ZNF251: variants seen among roughly 807,000 people sequenced by gnomAD.
The protein encoded by ZNF251 is zinc finger protein 251.
ZNF251 carries 14 observed loss-of-function variants against 13.5 expected under a neutral mutation model. The ratio of observed to expected loss-of-function variants is 1.04; its 90% CI spans 0.69 to 1.63. ZNF251 has a LOEUF of 1.63. ZNF251 is among the 40% of genes most tolerant of loss of function. The pLI, the probability that ZNF251 is intolerant of heterozygous loss-of-function variation, is 0.00. For missense variants in ZNF251, 764 were observed against 834.9 expected, an observed-to-expected ratio of 0.92 and a Z score of 1.05; for synonymous variants, 287 against 295.2, an observed-to-expected ratio of 0.97 and a Z score of 0.28.
At chr8:144,732,811 CAA>C (rs34248117) in intron 4 of ZNF251, among the ~76,000 whole-genome samples, 8,468 of 106,712 alleles carry the variant, frequency 0.079, 254 homozygotes, top group Non-Finnish European at 0.11. Context: ...GACTCCGTCT[CAA>C]AAAAAAAAAA....
At chr8:144,732,639 C>T (rs141110139) in intron 4 of ZNF251, among the ~76,000 whole-genome samples, 1,882 of 151,486 alleles carry the variant, frequency 0.012, 28 homozygotes, top group African/African-American at 0.04. Flanking sequence ...GGTGAAACCC[C>T]GTCTCTACTA....
At chr8:144,750,945 G>A (rs988202298) in intron 4 of ZNF251, among the ~76,000 whole-genome samples, 3 of 150,584 alleles carry the variant, frequency 2.0e-5, no homozygotes, top group Admixed American at 1.3e-4. Flanking sequence ...TACCTCCTGA[G>A]TTTCAGCGAT....
chr8:144,736,268 C>T (rs958275228), intron 4 of ZNF251, among the ~76,000 whole-genome samples: 3 of 152,102 alleles, frequency 2.0e-5, no homozygotes, highest in African/African-American at 7.2e-5. Flanking sequence ...ACTTGGTGGT[C>T]CTCCAGGGAC....
At chr8:144,753,455 A>C in intron 4 of ZNF251, 2 of 438,220 alleles carry the variant, frequency 4.6e-6, no homozygotes. Flanking sequence ...AAACAAAAAT[A>C]TGATCAGAAG....
chr8:144,751,644 G>A (rs117071352), intron 4 of ZNF251, among the ~76,000 whole-genome samples: 2,586 of 151,870 alleles, frequency 0.017, 58 homozygotes, highest in Admixed American at 0.071. Context: ...CCGGAAAGAG[G>A]AATTTAAAAA....
At position 144,722,761 on chromosome 8, in the gene ZNF251, T is replaced by G. The variant is rs913415382; in HGVS notation, c.899A>C (p.Lys300Thr). ...EKPFGCGECGKAFSRSSTLIQ... is the reference protein window; with the variant it reads ...EKPFGCGECGTAFSRSSTLIQ... ...AAGAGTTGAGCTTCGACTGAAAGCC[T>G]TCCCACACTCACCACAGCCAAAGGG... The change falls in exon 5 of 5, where the codon AAG becomes ACG. Residue 300 changes from lysine (K) to threonine (T), a missense_variant. Physicochemically the swap from Lys to Thr is moderately conservative, Grantham distance 78. Coordinates refer to ENST00000292562, the MANE Select transcript of ZNF251 (RefSeq NM_138367.2). This position sits in a 1 kb window ranked among gnomAD's most constrained non-coding sequence, Gnocchi z 4.8. 3 of 1,614,114 alleles carry G rather than the reference T, an allele frequency of 1.9e-6. No homozygotes were observed. Among genetic ancestry groups the G allele is most frequent in the Non-Finnish European group, 2.5e-6 (3 of 1,179,952 alleles).
chr8:144,733,016 G>T (rs1823767103), intron 4 of ZNF251, among the ~76,000 whole-genome samples: 1 of 151,814 alleles, frequency 6.6e-6, no homozygotes, highest in African/African-American at 2.4e-5. Flanking sequence ...GAGGTCAGGA[G>T]TTCGAGAGCA....
Position 144,747,930 on chromosome 8 carries a change from G to A in ZNF251, c.277+5753C>T, listed in dbSNP as rs114906694. ...TCCAGCTGGTTTTGTGGTTTTTAGAGATAGTGTCTCACTCAGTTGCCCAGC... is the reference window on the plus strand; with the variant it reads ...TCCAGCTGGTTTTGTGGTTTTTAGAAATAGTGTCTCACTCAGTTGCCCAGC... On this transcript the variant is annotated intron_variant, in intron 4 of 4. Transcript: ENST00000292562. Among the ~76,000 whole-genome samples, 817 of 152,124 alleles carry A rather than the reference G, an allele frequency of 5.4e-3. 7 individuals carry two copies. The highest frequency in any genetic ancestry group is 0.018 in the African/African-American group (768 of 41,528).
Position 144,720,981 on chromosome 8 carries a change from C to G in ZNF251, c.*663G>C, listed in dbSNP as rs1227824696. ...AACCTGCCTTTAAAAAATTTTTTAT[C>G]AGTAATTACAATTTTCAAAAGTGGA... On this transcript the variant is annotated 3_prime_UTR_variant, in exon 5 of 5. Coordinates refer to ENST00000292562, the MANE Select transcript of ZNF251 (RefSeq NM_138367.2). 1 of 152,266 alleles carries G rather than the reference C, an allele frequency of 6.6e-6. No homozygotes were observed. Among genetic ancestry groups the G allele is most frequent in the African/African-American group, 2.4e-5 (1 of 41,440 alleles). 9.4% of individuals were successfully genotyped at this position (152,266 alleles called of 1,614,324 possible).
chr8:144,753,125 AC>A (rs2130109487), intron 4 of ZNF251, among the ~76,000 whole-genome samples: 1 of 151,950 alleles, frequency 6.6e-6, no homozygotes, highest in African/African-American at 2.4e-5. Flanking sequence ...TAAAAAAAAA[AC>A]TAGCCAGGTA....
At chr8:144,729,480 G>C (rs2129947053) in intron 4 of ZNF251, among the ~76,000 whole-genome samples, 1 of 151,574 alleles carries the variant, frequency 6.6e-6, no homozygotes, top group Non-Finnish European at 1.5e-5. Flanking sequence ...GGGACTACAG[G>C]CGCCCGCCAC....
In ZNF251 at chr8:144,734,078, C is replaced by T. The variant is rs1823807015; in HGVS notation, c.278-10696G>A. On this transcript the variant is annotated intron_variant, in intron 4 of 4. Coordinates refer to ENST00000292562, the MANE Select transcript of ZNF251 (RefSeq NM_138367.2). The surrounding 1 kb of genome is among the most constrained non-coding windows in gnomAD (Gnocchi z 4.4). ...GACTGTTGGGCAGGTAAGCGTGGCTCTGTGTTTCCGAAATCCTGACCCAGG... is the reference window on the plus strand; with the variant it reads ...GACTGTTGGGCAGGTAAGCGTGGCTTTGTGTTTCCGAAATCCTGACCCAGG... 6.6e-6 allele frequency among the ~76,000 whole-genome samples: 1 copy of T among 152,198 alleles called. No individual in the cohort carries two copies. The highest frequency in any genetic ancestry group is 2.4e-5 in the African/African-American group (1 of 41,454).
At position 144,722,432 on chromosome 8, in the gene ZNF251, A is replaced by G; in HGVS notation, c.1228T>C (p.Cys410Arg). 1 of 1,613,944 alleles carries G rather than the reference A, an allele frequency of 6.2e-7. No individual in the cohort carries two copies. Among genetic ancestry groups the G allele is most frequent in the Non-Finnish European group, 8.5e-7 (1 of 1,179,918 alleles). ...TGEKPYVCNE[C>R]GRAFGFNSHL... ...GAGTTAAAACCAAAGGCTCTGCCGC[A>G]TTCATTACATACATAGGGTTTCTCT... is the stretch of plus-strand genomic sequence containing the variant. The change falls in exon 5 of 5, where the codon TGC becomes CGC. Residue 410 changes from cysteine to arginine, a missense_variant. Coordinates refer to ENST00000292562, the MANE Select transcript of ZNF251 (RefSeq NM_138367.2). This position sits in a 1 kb window ranked among gnomAD's most constrained non-coding sequence, Gnocchi z 4.8.
intron 4 of ZNF251, among the ~76,000 whole-genome samples, chr8:144,735,747 CCTG>C (rs1823867527): frequency 6.6e-6 from 1 of 152,182 alleles, no homozygotes; most frequent in Non-Finnish European, 1.5e-5. Flanking sequence ...ACACCCACCT[CCTG>C]CTAAGTGATG....
chr8:144,743,949 T>C (rs1824288169), intron 4 of ZNF251, among the ~76,000 whole-genome samples: 1 of 152,106 alleles, frequency 6.6e-6, no homozygotes, highest in African/African-American at 2.4e-5. Context: ...TGGTCATTTA[T>C]ATGTGCCTTT....
chr8:144,745,960 T>C (rs1257095618), intron 4 of ZNF251, among the ~76,000 whole-genome samples: 1 of 152,216 alleles, frequency 6.6e-6, no homozygotes, highest in African/African-American at 2.4e-5. Flanking sequence ...ATTTAGCTCT[T>C]CTTTGATATA....
In ZNF251 at chr8:144,735,591, C is replaced by T. The variant is rs925452202; in HGVS notation, c.278-12209G>A. Among the ~76,000 whole-genome samples, 5 of 152,174 alleles carry T rather than the reference C, an allele frequency of 3.3e-5. No homozygotes were observed. The East Asian group carries it at 9.7e-4, about 29-fold the overall frequency. ...CCATGCCCACAAATCAGAAAAAGCA[C>T]TGACGAGGTCACGGAAGCCTCACCG... On this transcript the variant is annotated intron_variant, in intron 4 of 4. Coordinates refer to ENST00000292562, the MANE Select transcript of ZNF251 (RefSeq NM_138367.2).
At position 144,755,017 on chromosome 8, in the gene ZNF251, G is replaced by A. The variant is rs998565327; in HGVS notation, c.-75-214C>T. ...GGGATCCAGGGACGCCCGGCTAAGG[G>A]GTGAAAGCTGGCAGTTCCCGTGGTC... On this transcript the variant is annotated intron_variant, in intron 1 of 4. Transcript: ENST00000292562. 1.0e-5 allele frequency: 14 copies of A among 1,381,656 alleles called. No homozygotes were observed. In the African/African-American group the frequency reaches 1.5e-4, roughly 15 times the overall value. 85.6% of individuals were successfully genotyped at this position (1,381,656 alleles called of 1,614,324 possible).
intron 4 of ZNF251, among the ~76,000 whole-genome samples, chr8:144,742,743 C>T (rs1824222667): frequency 6.6e-6 from 1 of 152,132 alleles, no homozygotes; most frequent in African/African-American, 2.4e-5. Context: ...TCCAGAATGT[C>T]ACATAGTTGG....
Sources: allele counts gnomAD v4.1 joint callset (sites outside exome capture counted in the v4.1 genomes callset), GRCh38; gene constraint gnomAD v4.1.1; non-coding constraint Gnocchi (gnomAD v3.1); transcripts MANE v1.5; gene names NCBI Gene and HGNC (gene_info 2026-07-23, HGNC 2026-07-21).